GPC6: variants seen among roughly 807,000 people sequenced by gnomAD.
GPC6 encodes the protein glypican-6.
In GPC6, 14 loss-of-function variants were observed where a neutral mutation model predicts 55.2. The observed-to-expected ratio is 0.25, with a 90% CI of 0.17 to 0.40. GPC6 has a LOEUF of 0.40. Ranked by LOEUF, GPC6 falls within the 10% of genes least tolerant of loss-of-function variation. The pLI is 1.00. For missense variants in GPC6, 641 were observed against 708.5 expected, an observed-to-expected ratio of 0.90 and a Z score of 1.08; for synonymous variants, 278 against 259.6, an observed-to-expected ratio of 1.07 and a Z score of -0.68.
chr13:94,020,117 G>C (rs1264106073), intron 3 of GPC6, among the ~76,000 whole-genome samples: 1 of 151,810 alleles, frequency 6.6e-6, no homozygotes, highest in Admixed American at 6.6e-5. Flanking sequence ...TGAGGTTATT[G>C]ATTTGAAATC....
intron 3 of GPC6, among the ~76,000 whole-genome samples, chr13:93,859,668 C>T (rs192060466): frequency 5.6e-4 from 84 of 149,712 alleles, no homozygotes; most frequent in East Asian, 7.9e-4. Flanking sequence ...TTGGGGAGAG[C>T]GGGGAGCACA....
intron 2 of GPC6, among the ~76,000 whole-genome samples, chr13:93,825,138 G>T (rs985577174): frequency 1.3e-5 from 2 of 152,150 alleles, no homozygotes; most frequent in African/African-American, 2.4e-5. Flanking sequence ...GCTCTCAGCA[G>T]GTGGGGGTAA....
At chr13:94,298,983 G>T (rs950947721) in intron 5 of GPC6, among the ~76,000 whole-genome samples, 1 of 151,970 alleles carries the variant, frequency 6.6e-6, no homozygotes, top group Non-Finnish European at 1.5e-5. Context: ...CATGCTAATT[G>T]CCTTCAATAA....
At position 93,496,387 on chromosome 13, in the gene GPC6, C is replaced by T. The variant is rs914979118; in HGVS notation, c.161-48876C>T. On this transcript the variant is annotated intron_variant, in intron 1 of 8. Transcript: ENST00000377047. ...ATGCCTCGCCCTGCTTCGGCTCGCG[C>T]ACCCACTGGCCTGCGCCCACTGTCT... 6.3e-4 allele frequency among the ~76,000 whole-genome samples: 96 copies of T among 152,320 alleles called. 3 individuals are homozygous for T. Among genetic ancestry groups the T allele is most frequent in the African/African-American group, 2.2e-3 (92 of 41,568 alleles).
intron 3 of GPC6, among the ~76,000 whole-genome samples, chr13:93,920,898 C>A (rs1877534216): frequency 6.6e-6 from 1 of 152,132 alleles, no homozygotes; most frequent in Admixed American, 6.5e-5. Context: ...CTTTCATTAG[C>A]CTTAGGTCCC....
At chr13:94,062,635 C>A (rs912926490) in intron 4 of GPC6, among the ~76,000 whole-genome samples, 2 of 152,092 alleles carry the variant, frequency 1.3e-5, no homozygotes, top group African/African-American at 2.4e-5. Context: ...ATTTTTAAAT[C>A]TTTATTATGT....
At chr13:93,408,111 T>C (rs184752371) in intron 1 of GPC6, among the ~76,000 whole-genome samples, 43 of 152,238 alleles carry the variant, frequency 2.8e-4, no homozygotes, top group East Asian at 1.5e-3. Flanking sequence ...GGAAATAAGA[T>C]TGGATTTGGG....
At chr13:93,989,810 C>G (rs1881212121) in intron 3 of GPC6, among the ~76,000 whole-genome samples, 1 of 151,548 alleles carries the variant, frequency 6.6e-6, no homozygotes, top group Non-Finnish European at 1.5e-5. Context: ...ATATTTGGTG[C>G]CAGTCCTAAA....
intron 4 of GPC6, among the ~76,000 whole-genome samples, chr13:94,028,654 C>A (rs906966750): frequency 2.0e-5 from 3 of 152,174 alleles, no homozygotes; most frequent in African/African-American, 7.2e-5. Context: ...TTTTCTATCT[C>A]ATTCTGTGGA....
intron 4 of GPC6, among the ~76,000 whole-genome samples, chr13:94,028,839 G>A (rs966126971): frequency 2.0e-5 from 3 of 152,098 alleles, no homozygotes; most frequent in African/African-American, 4.8e-5. Flanking sequence ...TGCCATCCAA[G>A]GATAAAAGGA....
At chr13:93,217,423 C>T in the GPC6 span, among the ~76,000 whole-genome samples, 1 of 152,084 alleles carries the variant, frequency 6.6e-6, no homozygotes, top group Admixed American at 6.6e-5. Context: ...TTTATGTGTG[C>T]CCCAGAGAAT....
intron 3 of GPC6, among the ~76,000 whole-genome samples, chr13:93,859,669 G>T (rs918045143): frequency 6.7e-6 from 1 of 149,378 alleles, no homozygotes; most frequent in Non-Finnish European, 1.5e-5. Context: ...TGGGGAGAGC[G>T]GGGAGCACAA....
intron 2 of GPC6, among the ~76,000 whole-genome samples, chr13:93,768,503 C>T (rs139555776): frequency 1.1e-4 from 17 of 152,130 alleles, no homozygotes; most frequent in Middle Eastern, 3.4e-3. Flanking sequence ...TGACACATAC[C>T]GGCCACTCGG....
chr13:93,370,886 A>T (rs1018800966), intron 1 of GPC6, among the ~76,000 whole-genome samples: 3 of 152,146 alleles, frequency 2.0e-5, no homozygotes, highest in African/African-American at 7.2e-5. Context: ...TACTTTCTAC[A>T]TGGATGTTTA....
At chr13:94,271,430 G>C (rs969155979) in intron 4 of GPC6, among the ~76,000 whole-genome samples, 1 of 151,090 alleles carries the variant, frequency 6.6e-6, no homozygotes, top group African/African-American at 2.4e-5. Flanking sequence ...CCACTTCTCT[G>C]AGACTTCTGC....
chr13:93,616,385 T>G (rs540050504), intron 2 of GPC6, among the ~76,000 whole-genome samples: 115 of 152,228 alleles, frequency 7.6e-4, no homozygotes, highest in African/African-American at 2.6e-3. Flanking sequence ...GTTGTTCATC[T>G]CTTACAATAT....
chr13:93,742,956 G>A (rs1015448592), intron 2 of GPC6, among the ~76,000 whole-genome samples: 5 of 152,122 alleles, frequency 3.3e-5, no homozygotes, highest in Non-Finnish European at 4.4e-5. Context: ...CTACACGGAG[G>A]GAGAAATTTT....
At chr13:93,765,620 A>C (rs4517643) in intron 2 of GPC6, among the ~76,000 whole-genome samples, 100,663 of 151,460 alleles carry the variant, frequency 0.66, 34,424 homozygotes, top group African/African-American at 0.81. Flanking sequence ...ATTCATAGTA[A>C]GGTTAATCTT....
At chr13:93,258,719 G>T (rs1023674034) in intron 1 of GPC6, among the ~76,000 whole-genome samples, 1 of 151,950 alleles carries the variant, frequency 6.6e-6, no homozygotes, top group African/African-American at 2.4e-5. Flanking sequence ...CAGGAGGATT[G>T]CTTGAAGCCA....
Sources: allele counts gnomAD v4.1 joint callset (sites outside exome capture counted in the v4.1 genomes callset), GRCh38; gene constraint gnomAD v4.1.1; transcripts MANE v1.5; gene names NCBI Gene and HGNC (gene_info 2026-07-23, HGNC 2026-07-21).